Variants in MALRD1 observed in about 807,000 individuals in gnomAD.
MALRD1 encodes MAM and LDL receptor class A domain containing 1, also known as MAM and LDL-receptor class A domain-containing protein 1.
A neutral mutation model predicts 242.1 loss-of-function variants in MALRD1; 247 were observed. That is an observed-to-expected ratio of 1.02 (90% CI 0.92 to 1.13). MALRD1 has a LOEUF of 1.13. MALRD1 is among the 50% of genes most tolerant of loss of function. MALRD1 has a pLI of 0.00. For synonymous variants in MALRD1, 995 were observed against 866.6 expected, an observed-to-expected ratio of 1.15 and a Z score of -2.60; for missense variants, 2,989 against 2,533.1, an observed-to-expected ratio of 1.18 and a Z score of -3.86.
At chr10:19,526,155 TCAATGAAG>T (rs1244986409) in intron 31 of MALRD1, among the ~76,000 whole-genome samples, 1 of 152,114 alleles carries the variant, frequency 6.6e-6, no homozygotes, top group African/African-American at 2.4e-5. Context: ...TAGGTAGGTC[TCAATGAAG>T]CAACTGAAAG....
chr10:19,673,704 T>C (rs1842023673), intron 36 of MALRD1, among the ~76,000 whole-genome samples: 1 of 152,150 alleles, frequency 6.6e-6, no homozygotes, highest in Non-Finnish European at 1.5e-5. Flanking sequence ...GGTAAGAATT[T>C]TTCAGTATCA....
At chr10:19,086,974 G>C (rs180756207) in intron 2 of MALRD1, among the ~76,000 whole-genome samples, 89 of 152,198 alleles carry the variant, frequency 5.8e-4, no homozygotes, top group African/African-American at 2.1e-3. Context: ...AACTTAAAGA[G>C]AAAGGAATGT....
intron 38 of MALRD1, 89 bp downstream of exon 38, chr10:19,692,643 CA>C (rs2131824408): frequency 2.0e-6 from 2 of 993,404 alleles, no homozygotes; most frequent in East Asian, 5.3e-5. Context: ...TCTTTCACTC[CA>C]TATTACATGC....
At chr10:19,536,031 T>G (rs552754582) in intron 32 of MALRD1, among the ~76,000 whole-genome samples, 1 of 152,304 alleles carries the variant, frequency 6.6e-6, no homozygotes, top group South Asian at 2.1e-4. Flanking sequence ...TGTGGGAGTA[T>G]GTCTCCTTGT....
intron 2 of MALRD1, among the ~76,000 whole-genome samples, chr10:19,078,157 A>AT (rs1446788074): frequency 7.9e-5 from 12 of 151,070 alleles, no homozygotes; most frequent in African/African-American, 2.2e-4. Context: ...TTATTTATTC[A>AT]TTTTTTATTA....
intron 26 of MALRD1, among the ~76,000 whole-genome samples, chr10:19,355,347 G>A (rs1931886): frequency 0.79 from 119,363 of 151,812 alleles, 47,465 homozygotes; most frequent in African/African-American, 0.9. Context: ...GTCTTAGAAA[G>A]CAAAGAATAA....
At chr10:19,487,315 T>G (rs192812132) in intron 29 of MALRD1, among the ~76,000 whole-genome samples, 14 of 151,960 alleles carry the variant, frequency 9.2e-5, no homozygotes, top group Admixed American at 3.9e-4. Context: ...ATCTATCTTT[T>G]CAATTTGCTG....
chr10:19,128,475 G>T, intron 8 of MALRD1, 88 bp downstream of exon 8: 1 of 865,974 alleles, frequency 1.2e-6, no homozygotes, highest in Non-Finnish European at 1.5e-6. Flanking sequence ...TCTCAGTTGC[G>T]CATAGGCTTT....
At chr10:19,534,813 G>T (rs1254324321) in intron 32 of MALRD1, among the ~76,000 whole-genome samples, 1 of 152,074 alleles carries the variant, frequency 6.6e-6, no homozygotes, top group East Asian at 1.9e-4. Context: ...TTTATATCTA[G>T]AAATTTATTG....
At chr10:19,601,703 G>A (rs1447249581) in intron 34 of MALRD1, among the ~76,000 whole-genome samples, 1 of 151,896 alleles carries the variant, frequency 6.6e-6, no homozygotes, top group Non-Finnish European at 1.5e-5. Flanking sequence ...ATAAATTAGA[G>A]CTCTTTATTG....
intron 1 of MALRD1, among the ~76,000 whole-genome samples, chr10:19,065,287 C>CAAAAAA (rs1197670439): frequency 1.3e-3 from 65 of 50,442 alleles, no homozygotes; most frequent in African/African-American, 2.4e-3. Context: ...AACGCTGTCT[C>CAAAAAA]AAAAAAAAAA....
At chr10:19,174,856 C>CAT (rs1402443559) in intron 13 of MALRD1, among the ~76,000 whole-genome samples, 1 of 151,986 alleles carries the variant, frequency 6.6e-6, no homozygotes, top group African/African-American at 2.4e-5. Context: ...CAAATCAATT[C>CAT]ATATCTCAGT....
chr10:19,379,973 ATTTT>A (rs35629873), intron 26 of MALRD1, among the ~76,000 whole-genome samples: 1 of 130,598 alleles, frequency 7.7e-6, no homozygotes. Flanking sequence ...TTTTTATTTA[ATTTT>A]TTTTTTTTTT....
intron 24 of MALRD1, among the ~76,000 whole-genome samples, chr10:19,337,776 T>G (rs948800935): frequency 2.6e-5 from 4 of 152,052 alleles, no homozygotes. Context: ...GAAAGTACAG[T>G]TATCAACTGG....
chr10:19,113,377 A>G (rs1228667784), intron 5 of MALRD1, among the ~76,000 whole-genome samples: 3 of 151,942 alleles, frequency 2.0e-5, no homozygotes, highest in Non-Finnish European at 4.4e-5. Flanking sequence ...GTGTCCTCTA[A>G]TTCCTGGGTA....
chr10:19,448,535 A>G (rs1170731986), intron 28 of MALRD1, among the ~76,000 whole-genome samples: 1 of 152,118 alleles, frequency 6.6e-6, no homozygotes, highest in Non-Finnish European at 1.5e-5. Context: ...AGTGTATACA[A>G]TCTCAGCCTT....
intron 29 of MALRD1, among the ~76,000 whole-genome samples, chr10:19,460,893 G>A (rs1206353370): frequency 1.3e-5 from 2 of 152,128 alleles, no homozygotes; most frequent in Non-Finnish European, 2.9e-5. Flanking sequence ...GGGAATTCCT[G>A]TATGACTTGC....
intron 5 of MALRD1, among the ~76,000 whole-genome samples, chr10:19,105,160 A>G (rs556386435): frequency 6.6e-6 from 1 of 152,150 alleles, no homozygotes; most frequent in East Asian, 1.9e-4. Context: ...TTCTATACAC[A>G]CACCGTCCAT....
intron 33 of MALRD1, among the ~76,000 whole-genome samples, chr10:19,591,563 A>G (rs118070923): frequency 0.02 from 2,672 of 135,596 alleles, 39 homozygotes; most frequent in Non-Finnish European, 0.028. Context: ...CAGTTGCACT[A>G]TCTTGGCTCA....
Sources: allele counts gnomAD v4.1 joint callset (sites outside exome capture counted in the v4.1 genomes callset), GRCh38; gene constraint gnomAD v4.1.1; transcripts MANE v1.5; gene names NCBI Gene and HGNC (gene_info 2026-07-23, HGNC 2026-07-21).